The following TOGARAM1 variants were observed in gnomAD, a reference collection of about 807,000 sequenced individuals.
TOGARAM1 encodes the protein TOG array regulator of axonemal microtubules 1.
In TOGARAM1, 100 loss-of-function variants were observed where a neutral mutation model predicts 166.6. The observed-to-expected ratio is 0.60, with a 90% CI of 0.51 to 0.71. TOGARAM1 has a LOEUF of 0.71. Ranked by LOEUF, TOGARAM1 falls within the 30% of genes least tolerant of loss-of-function variation. TOGARAM1 has a pLI of 0.00. For missense variants in TOGARAM1, 2,029 were observed against 2,102.7 expected, an observed-to-expected ratio of 0.96 and a Z score of 0.69; for synonymous variants, 758 against 763.8, an observed-to-expected ratio of 0.99 and a Z score of 0.13.
At chr14:44,978,558 A>C (rs1594615175) in intron 1 of TOGARAM1, among the ~76,000 whole-genome samples, 1 of 152,186 alleles carries the variant, frequency 6.6e-6, no homozygotes, top group African/African-American at 2.4e-5. Context: ...TAATCCCAAC[A>C]CTTTGGGAGG....
chr14:44,971,934 G>A (rs1885905799), intron 1 of TOGARAM1, among the ~76,000 whole-genome samples: 1 of 152,092 alleles, frequency 6.6e-6, no homozygotes, highest in African/African-American at 2.4e-5. Flanking sequence ...GTTCCTCATG[G>A]CTGGGTAGAC....
chr14:45,071,884 C>A, intron 19 of TOGARAM1, 86 bp downstream of exon 19: 1 of 985,446 alleles, frequency 1.0e-6, no homozygotes, highest in East Asian at 2.7e-5. Context: ...AGGATAGCTA[C>A]CAACTTAATA....
At position 45,035,400 on chromosome 14, in the gene TOGARAM1, A is replaced by C. The variant is rs1437472713; in HGVS notation, c.3812+3024A>C. On this transcript the variant is annotated intron_variant, in intron 11 of 19. Coordinates refer to ENST00000361462, the MANE Select transcript of TOGARAM1 (RefSeq NM_001308120.2). ...TCAAAATGAAACAATGAGAGAAACAAGACTGAAAAAAAAGTCCAAAAAATC... is the reference window on the plus strand; with the variant it reads ...TCAAAATGAAACAATGAGAGAAACACGACTGAAAAAAAAGTCCAAAAAATC... 2.6e-5 allele frequency among the ~76,000 whole-genome samples: 4 copies of C among 152,184 alleles called. No homozygotes were observed. In the East Asian group the frequency reaches 7.7e-4, roughly 29 times the overall value.
intron 1 of TOGARAM1, among the ~76,000 whole-genome samples, chr14:44,973,250 TA>T (rs1466111805): frequency 1.3e-5 from 2 of 152,014 alleles, no homozygotes; most frequent in African/African-American, 4.8e-5. Context: ...CCTTTTTTTT[TA>T]AATTACTTTT....
At chr14:45,067,445 A>C (rs1437715019) in intron 17 of TOGARAM1, among the ~76,000 whole-genome samples, 11 of 152,180 alleles carry the variant, frequency 7.2e-5, no homozygotes. Flanking sequence ...TATCTTTAGG[A>C]AGACAATAAG....
rs1335936709 is a variant in TOGARAM1, at chr14:45,006,185, A to G, written c.2822A>G (p.Asp941Gly). The G allele has an allele frequency of 1.2e-5, 20 of 1,613,860 alleles. No homozygotes were observed. The highest frequency in any genetic ancestry group is 2.2e-5 in the East Asian group (1 of 44,876). ...TVGHKKKEPD[D>G]IWKCEKDSLP... ...GGACACAAAAAGAAAGAGCCTGATG[A>G]TATTTGGAAGTGTGAAAAAGATAGT... The change falls in exon 5 of 20, where the codon GAT becomes GGT. Residue 941 changes from aspartate to glycine, a missense_variant. Transcript: ENST00000361462.
intron 18 of TOGARAM1, among the ~76,000 whole-genome samples, chr14:45,071,230 T>C (rs1883365144): frequency 6.6e-6 from 1 of 151,982 alleles, no homozygotes; most frequent in Non-Finnish European, 1.5e-5. Context: ...GCTTTTTCTG[T>C]TTTTTGATAA....
chr14:45,064,545 A>T (rs939072521), intron 16 of TOGARAM1, among the ~76,000 whole-genome samples: 4 of 152,020 alleles, frequency 2.6e-5, no homozygotes, highest in Admixed American at 6.6e-5. Context: ...ATCATGGCTC[A>T]CTGCAGCCTC....
intron 9 of TOGARAM1, 123 bp downstream of exon 9, chr14:45,027,597 A>C (rs1880928483): frequency 1.3e-6 from 1 of 763,296 alleles, no homozygotes; most frequent in East Asian, 3.3e-5. Flanking sequence ...AGTACAGTTG[A>C]AATTTTGAGC....
At position 44,994,105 on chromosome 14, in the gene TOGARAM1, G is replaced by A. The variant is rs536401952; in HGVS notation, c.2047-1641G>A. 2.6e-5 allele frequency among the ~76,000 whole-genome samples: 4 copies of A among 151,910 alleles called. No individual in the cohort carries two copies. The East Asian group carries it at 5.8e-4, about 22-fold the overall frequency. ...AGTAAAGTCAATCCTTTTTTATTACGGCATTCTTCTGTTTTTTTTGAGGCA... is the reference window on the plus strand; with the variant it reads ...AGTAAAGTCAATCCTTTTTTATTACAGCATTCTTCTGTTTTTTTTGAGGCA... On this transcript the variant is annotated intron_variant, in intron 1 of 19. Transcript: ENST00000361462.
chr14:45,071,685 A>C (rs2139012724), intron 18 of TOGARAM1, 27 bp from the exon 19 acceptor site: 2 of 1,518,620 alleles, frequency 1.3e-6, no homozygotes, highest in East Asian at 4.5e-5. Flanking sequence ...CTCTTTAAAC[A>C]TGTGTCTCTG....
chr14:45,046,461 A>C, intron 13 of TOGARAM1, 84 bp from the exon 14 acceptor site: 1 of 1,201,630 alleles, frequency 8.3e-7, no homozygotes, highest in Non-Finnish European at 1.1e-6. Flanking sequence ...AATACAAACA[A>C]ACAAAAACAA....
At chr14:44,976,175 T>TA (rs753203524) in intron 1 of TOGARAM1, among the ~76,000 whole-genome samples, 4 of 152,178 alleles carry the variant, frequency 2.6e-5, no homozygotes, top group Non-Finnish European at 5.9e-5. Flanking sequence ...ATCTTCAAGA[T>TA]AAAATACAGA....
At chr14:45,064,884 G>A (rs2094279527) in intron 16 of TOGARAM1, among the ~76,000 whole-genome samples, 2 of 146,436 alleles carry the variant, frequency 1.4e-5, no homozygotes, top group African/African-American at 2.6e-5. Flanking sequence ...TTGAGAGGTA[G>A]GGGGTGTGAG....
At chr14:44,998,706 A>AT (rs990871476) in intron 2 of TOGARAM1, among the ~76,000 whole-genome samples, 3 of 151,866 alleles carry the variant, frequency 2.0e-5, no homozygotes, top group Non-Finnish European at 4.4e-5. Flanking sequence ...TAGGGAGAGA[A>AT]TTTTTTTTTA....
intron 14 of TOGARAM1, among the ~76,000 whole-genome samples, chr14:45,051,043 G>T (rs776446983): frequency 2.9e-4 from 44 of 152,172 alleles, no homozygotes; most frequent in Non-Finnish European, 4.9e-4. Flanking sequence ...TAAGACATCT[G>T]TGTGCTAAAA....
chr14:44,987,780 A>C (rs866813549), intron 1 of TOGARAM1, among the ~76,000 whole-genome samples: 22 of 149,034 alleles, frequency 1.5e-4, no homozygotes, highest in African/African-American at 5.2e-4. Context: ...ACTATAAATC[A>C]TGCTGCTATA....
Position 45,006,240 on chromosome 14 carries a change from C to T in TOGARAM1, c.2877C>T (p.Phe959=). 1 of 1,611,428 alleles carries T rather than the reference C, an allele frequency of 6.2e-7. No homozygotes were observed. The highest frequency in any genetic ancestry group is 8.5e-7 in the Non-Finnish European group (1 of 1,178,246). The part of the protein sequence containing the change: ...SLPIDLSELN[F]KDKDLDQEEM... The stretch of plus-strand genomic sequence containing the variant: ...CAATTGATCTTTCAGAATTAAATTT[C>T]AAGGATAAAGATTTGGATCAAGAAG... Residue 959 remains phenylalanine, a synonymous_variant, in exon 5 of 20, where the codon TTC becomes TTT. Transcript: ENST00000361462.
At chr14:45,038,933 T>G (rs1229692580) in intron 11 of TOGARAM1, among the ~76,000 whole-genome samples, 1 of 151,968 alleles carries the variant, frequency 6.6e-6, no homozygotes, top group African/African-American at 2.4e-5. Context: ...GGTAGCTCCT[T>G]TCTGCACGCA....
Sources: allele counts gnomAD v4.1 joint callset (sites outside exome capture counted in the v4.1 genomes callset), GRCh38; gene constraint gnomAD v4.1.1; transcripts MANE v1.5; gene names NCBI Gene and HGNC (gene_info 2026-07-23, HGNC 2026-07-21).